The following LPP variants were observed in gnomAD, a reference collection of about 807,000 sequenced individuals.
The protein encoded by LPP is lipoma-preferred partner.
A neutral mutation model predicts 60.4 loss-of-function variants in LPP; 38 were observed. The ratio of observed to expected loss-of-function variants is 0.63; its 90% CI spans 0.49 to 0.83. The LOEUF (loss-of-function observed/expected upper bound fraction) is 0.83. Among genes scored for constraint, LPP ranks in the 40% least tolerant of loss-of-function variants. LPP has a pLI of 0.00. For synonymous variants in LPP, 328 were observed against 290.8 expected (o/e 1.13, Z -1.30); for missense variants, 902 against 783.6 (o/e 1.15, Z -1.80).
At chr3:188,356,514 G>A (rs57567359) in intron 3 of LPP, among the ~76,000 whole-genome samples, 3,887 of 152,220 alleles carry the variant, frequency 0.026, 167 homozygotes, top group African/African-American at 0.091. Flanking sequence ...CTATTCGCTT[G>A]TTAAAATTTA....
intron 4 of LPP, among the ~76,000 whole-genome samples, chr3:188,460,017 T>G (rs1798642244): frequency 6.6e-6 from 1 of 152,218 alleles, no homozygotes; most frequent in Non-Finnish European, 1.5e-5. Flanking sequence ...AGCAGTTTGA[T>G]GAAATCATTT....
At chr3:188,742,422 A>AT (rs1724776800) in intron 8 of LPP, among the ~76,000 whole-genome samples, 1 of 152,164 alleles carries the variant, frequency 6.6e-6, no homozygotes, top group South Asian at 2.1e-4. Context: ...AGGACAAATT[A>AT]TGCTATATTT....
chr3:188,499,060 C>G (rs1222949699), intron 5 of LPP, among the ~76,000 whole-genome samples: 1 of 151,914 alleles, frequency 6.6e-6, no homozygotes, highest in East Asian at 1.9e-4. Context: ...AATCCCTTAT[C>G]AGGTATGATT....
rs1028643431 is a variant in LPP, at chr3:188,154,163, T to TCCTCTG, written c.-268_-263dup. The TCCTCTG allele has an allele frequency of 6.3e-5, 13 of 206,636 alleles. No individual in the cohort carries two copies. The highest frequency in any genetic ancestry group is 1.6e-4 in the East Asian group (1 of 6,236). 12.8% of individuals were successfully genotyped at this position (206,636 alleles called of 1,614,324 possible). Reference sequence around the variant, plus strand: ...GGAGGGGGAGTGCCCGGGCACCTCCTCCTCTGCCTCTGCCTCCGCCTCCAG... The same window carrying TCCTCTG: ...GGAGGGGGAGTGCCCGGGCACCTCCTCCTCTGCCTCTGCCTCTGCCTCCGCCTCCAG... On this transcript the variant is annotated 5_prime_UTR_variant, in exon 1 of 12. Coordinates refer to ENST00000617246, the MANE Select transcript of LPP (RefSeq NM_001375462.1).
At chr3:188,694,334 C>A (rs1408908837) in intron 7 of LPP, among the ~76,000 whole-genome samples, 3 of 152,096 alleles carry the variant, frequency 2.0e-5, no homozygotes, top group Non-Finnish European at 2.9e-5. Flanking sequence ...CATTAATTCT[C>A]TAGCTTATAT....
intron 2 of LPP, among the ~76,000 whole-genome samples, chr3:188,240,624 A>G (rs1724113930): frequency 1.3e-5 from 2 of 152,306 alleles, no homozygotes; most frequent in African/African-American, 2.4e-5. Flanking sequence ...ATATTTGGGT[A>G]GAAACTTTCA....
chr3:188,273,051 C>T (rs2149810785), intron 2 of LPP, among the ~76,000 whole-genome samples: 2 of 152,330 alleles, frequency 1.3e-5, no homozygotes, highest in East Asian at 3.9e-4. Context: ...ATAACAGAGA[C>T]TCGTTCAGTG....
chr3:188,670,605 C>T (rs771966763), intron 7 of LPP, among the ~76,000 whole-genome samples: 4 of 152,152 alleles, frequency 2.6e-5, no homozygotes, highest in African/African-American at 4.8e-5. Flanking sequence ...ACTGGGACCT[C>T]ATGTTGAACT....
At chr3:188,540,376 A>G (rs1054644313) in intron 6 of LPP, among the ~76,000 whole-genome samples, 1 of 152,260 alleles carries the variant, frequency 6.6e-6, no homozygotes, top group African/African-American at 2.4e-5. Context: ...CAACCCAATT[A>G]TATGGATTTG....
At chr3:188,654,464 C>G (rs924617439) in intron 7 of LPP, among the ~76,000 whole-genome samples, 1 of 152,156 alleles carries the variant, frequency 6.6e-6, no homozygotes, top group Non-Finnish European at 1.5e-5. Context: ...CTTCAAGATT[C>G]TTACACACCT....
At chr3:188,371,616 A>ATAT (rs1773099804) in intron 3 of LPP, among the ~76,000 whole-genome samples, 1 of 24,376 alleles carries the variant, frequency 4.1e-5, no homozygotes, top group African/African-American at 9.3e-5. Flanking sequence ...GTGGTGGGAA[A>ATAT]ATATATATAT....
chr3:188,369,467 A>G (rs1245094190), intron 3 of LPP, among the ~76,000 whole-genome samples: 1 of 152,144 alleles, frequency 6.6e-6, no homozygotes, highest in Non-Finnish European at 1.5e-5. Context: ...TAGTCTTTTC[A>G]TTATGACTTC....
At chr3:188,477,499 A>G (rs549671944) in intron 4 of LPP, among the ~76,000 whole-genome samples, 1 of 152,280 alleles carries the variant, frequency 6.6e-6, no homozygotes, top group South Asian at 2.1e-4. Flanking sequence ...TGCACTGTAA[A>G]TAGGTTGAGA....
chr3:188,607,409 A>ATATATG (rs1842703668), intron 6 of LPP, among the ~76,000 whole-genome samples: 1 of 39,758 alleles, frequency 2.5e-5, no homozygotes, highest in South Asian at 7.6e-4. Context: ...ATATATATAT[A>ATATATG]TATATATAAT....
intron 3 of LPP, among the ~76,000 whole-genome samples, chr3:188,350,958 C>T (rs973997173): frequency 6.6e-6 from 1 of 152,174 alleles, no homozygotes; most frequent in South Asian, 2.1e-4. Flanking sequence ...CCAGCACGTA[C>T]CCCTTCTCCC....
chr3:188,360,751 T>A (rs1004332619), intron 3 of LPP, among the ~76,000 whole-genome samples: 3 of 152,170 alleles, frequency 2.0e-5, no homozygotes, highest in Non-Finnish European at 4.4e-5. Context: ...GAGAGACAGT[T>A]TTGCATAAAT....
Position 188,328,414 on chromosome 3 carries a change from G to A in LPP, c.-66-13249G>A, listed in dbSNP as rs191751394. On this transcript the variant is annotated intron_variant, in intron 2 of 11. Transcript: ENST00000617246. ...ATATCACTGCTCATTCATCAAAAAAGCATTTGAAATATTAGAAAGGTGTCA... is the reference window on the plus strand; with the variant it reads ...ATATCACTGCTCATTCATCAAAAAAACATTTGAAATATTAGAAAGGTGTCA... Among the ~76,000 whole-genome samples the A allele has an allele frequency of 2.9e-3, 449 of 152,220 alleles. 3 individuals carry two copies. Among genetic ancestry groups the A allele is most frequent in the African/African-American group, 0.01 (427 of 41,536 alleles).
At chr3:188,481,652 G>T (rs1221276432) in intron 4 of LPP, among the ~76,000 whole-genome samples, 1 of 152,130 alleles carries the variant, frequency 6.6e-6, no homozygotes, top group Non-Finnish European at 1.5e-5. Flanking sequence ...GACTTTTCAT[G>T]TAGCTTCTTT....
In LPP at chr3:188,237,640, G is replaced by A. The variant is rs573283524; in HGVS notation, c.-67+12113G>A. ...AGAGATCTTGTGTGACCAGGTATGA[G>A]AAGAAATATTTTGAAAGGAATCTTT... On this transcript the variant is annotated intron_variant, in intron 2 of 11. Coordinates refer to ENST00000617246, the MANE Select transcript of LPP (RefSeq NM_001375462.1). 6.4e-4 allele frequency among the ~76,000 whole-genome samples: 97 copies of A among 152,144 alleles called. 1 individual carries two copies. Among genetic ancestry groups the A allele is most frequent in the African/African-American group, 2.3e-3 (95 of 41,462 alleles).
Sources: gnomAD v4.1 joint callset for allele counts (sites outside exome capture counted in the v4.1 genomes callset) on GRCh38, gnomAD v4.1.1 for gene constraint, MANE v1.5 for transcripts, NCBI Gene and HGNC (gene_info 2026-07-23, HGNC 2026-07-21) for gene names.